PYGB: variants seen among roughly 807,000 people sequenced by gnomAD.
PYGB encodes the protein glycogen phosphorylase B, also known as glycogen phosphorylase, brain form.
Under a neutral mutation model 94.3 loss-of-function variants are expected in PYGB, and 82 were observed. The ratio of observed to expected loss-of-function variants is 0.87; its 90% CI spans 0.73 to 1.04. The LOEUF (loss-of-function observed/expected upper bound fraction) is 1.04, where lower values mean the gene tolerates loss of function less well. PYGB is among the 50% of genes least tolerant of loss of function. The pLI is 0.00. For missense variants in PYGB, 1,132 were observed against 1,158.2 expected, an observed-to-expected ratio of 0.98 and a Z score of 0.33; for synonymous variants, 488 against 479.1, an observed-to-expected ratio of 1.02 and a Z score of -0.24.
intron 2 of PYGB, among the ~76,000 whole-genome samples, chr20:25,267,249 A>C (rs1384904343): frequency 3.3e-5 from 5 of 152,162 alleles, no homozygotes; most frequent in Non-Finnish European, 7.3e-5. Flanking sequence ...AAATAGGTAG[A>C]TCCATAGAGA....
Position 25,290,742 on chromosome 20 carries a change from C to G in PYGB, c.1969+120C>G, listed in dbSNP as rs1363388478. On this transcript the variant is annotated intron_variant, in intron 16 of 19. Transcript: ENST00000216962. ...CTCTGCCTGGACACCCAGACCTAGCCAGCCGGGCTGCAGGCGAGCAGGGAA... is the reference window on the plus strand; with the variant it reads ...CTCTGCCTGGACACCCAGACCTAGCGAGCCGGGCTGCAGGCGAGCAGGGAA... The G allele has an allele frequency of 2.1e-6, 3 of 1,398,040 alleles. No homozygotes were observed. The Admixed American group carries it at 5.6e-5, about 26-fold the overall frequency. 86.6% of individuals were successfully genotyped at this position (1,398,040 alleles called of 1,614,324 possible).
At chr20:25,275,568 C>G (rs2088303905) in intron 5 of PYGB, among the ~76,000 whole-genome samples, 1 of 152,218 alleles carries the variant, frequency 6.6e-6, no homozygotes, top group Non-Finnish European at 1.5e-5. Context: ...AATACATGGG[C>G]TTCGAGTGGC....
intron 2 of PYGB, among the ~76,000 whole-genome samples, chr20:25,262,984 C>G (rs1158727560): frequency 6.6e-6 from 1 of 152,162 alleles, no homozygotes; most frequent in Admixed American, 6.5e-5. Flanking sequence ...TAGAGACCTA[C>G]AAAGAGACTT....
chr20:25,286,007 C>A (rs1251734317), intron 14 of PYGB, among the ~76,000 whole-genome samples: 1 of 152,238 alleles, frequency 6.6e-6, no homozygotes, highest in Non-Finnish European at 1.5e-5. Context: ...CACTTCCTTC[C>A]CCCAGTGCTT....
chr20:25,259,995 G>A lies in PYGB; in HGVS notation c.345+657G>A, dbSNP rs546851967. Among the ~76,000 whole-genome samples, 20 of 152,192 alleles carry A rather than the reference G, an allele frequency of 1.3e-4. No homozygotes were observed. The East Asian group carries it at 1.5e-3, about 12-fold the overall frequency. ...CCCTCCACCTCAGCGCCCTGCCACCGCCTTTGCTTTGCTTGGGTTTGGATG... is the reference window on the plus strand; with the variant it reads ...CCCTCCACCTCAGCGCCCTGCCACCACCTTTGCTTTGCTTGGGTTTGGATG... On this transcript the variant is annotated intron_variant, in intron 2 of 19. Coordinates refer to ENST00000216962, the MANE Select transcript of PYGB (RefSeq NM_002862.4).
At chr20:25,276,550 G>A in intron 5 of PYGB, 96 bp from the exon 6 acceptor site, 1 of 984,026 alleles carries the variant, frequency 1.0e-6, no homozygotes, top group Non-Finnish European at 1.6e-6. Flanking sequence ...GGCCAGCAGG[G>A]CGCCAGGTGC....
intron 2 of PYGB, among the ~76,000 whole-genome samples, chr20:25,261,745 G>A (rs1001379072): frequency 6.6e-6 from 1 of 152,138 alleles, no homozygotes; most frequent in South Asian, 2.1e-4. Context: ...AAGATTAGAC[G>A]AATGGCTAAC....
intron 3 of PYGB, among the ~76,000 whole-genome samples, chr20:25,270,198 TTTGTTTTG>T (rs1568688525): frequency 0.022 from 678 of 30,350 alleles, 37 homozygotes; most frequent in African/African-American, 0.12. Flanking sequence ...TTTTTTTTGT[TTTGTTTTG>T]TTTTTTTTTT....
At chr20:25,276,473 G>A (rs1409182544) in intron 5 of PYGB, among the ~76,000 whole-genome samples, 173 bp from the exon 6 acceptor site, 1 of 152,068 alleles carries the variant, frequency 6.6e-6, no homozygotes, top group East Asian at 1.9e-4. Flanking sequence ...GGAGGGCGTG[G>A]ACGGAGACTG....
chr20:25,261,410 G>A (rs1340125556), intron 2 of PYGB, among the ~76,000 whole-genome samples: 17 of 152,348 alleles, frequency 1.1e-4, no homozygotes, highest in African/African-American at 2.9e-4. Context: ...CAGACCTGCA[G>A]CTGAAGGTCC....
intron 14 of PYGB, chr20:25,284,806 A>G (rs1251909356): frequency 6.6e-6 from 1 of 152,348 alleles, no homozygotes; most frequent in African/African-American, 2.4e-5. Flanking sequence ...AGAGGCATTT[A>G]AAGTATACTT....
chr20:25,294,391 C>T, intron 18 of PYGB, 99 bp downstream of exon 18: 1 of 1,415,952 alleles, frequency 7.1e-7, no homozygotes, highest in Non-Finnish European at 9.7e-7. Context: ...AGAGCAAAAC[C>T]CGTGCTTTCA....
chr20:25,249,277 T>C (rs1012882216), intron 1 of PYGB, among the ~76,000 whole-genome samples: 1 of 152,250 alleles, frequency 6.6e-6, no homozygotes, highest in Non-Finnish European at 1.5e-5. Flanking sequence ...TTTGTAACTT[T>C]TTCACTGATA....
At chr20:25,290,073 T>A in intron 15 of PYGB, 1 of 418,190 alleles carries the variant, frequency 2.4e-6, no homozygotes, top group South Asian at 1.8e-5. Flanking sequence ...ACAGTCTGTC[T>A]GTTACAGACA....
intron 2 of PYGB, among the ~76,000 whole-genome samples, chr20:25,265,044 A>T (rs925958955): frequency 1.3e-5 from 2 of 152,212 alleles, no homozygotes; most frequent in African/African-American, 4.8e-5. Flanking sequence ...AGGCTACAGT[A>T]ACCAAAACAG....
chr20:25,263,009 T>C (rs2092917107), intron 2 of PYGB, among the ~76,000 whole-genome samples: 1 of 152,026 alleles, frequency 6.6e-6, no homozygotes, highest in Admixed American at 6.5e-5. Context: ...TCCCACACAA[T>C]AATAATGGGA....
chr20:25,274,691 AC>A lies in PYGB; in HGVS notation c.633del (p.Asp212ThrfsTer3). 2 of 1,613,400 alleles carry A rather than the reference AC, an allele frequency of 1.2e-6. No individual in the cohort carries two copies. The highest frequency in any genetic ancestry group is 1.7e-6 in the Non-Finnish European group (2 of 1,179,942). On this transcript the variant is annotated frameshift_variant, in exon 5 of 20. Transcript: ENST00000216962. LOFTEE classifies it high-confidence loss of function. ...PVHFYGRVEH[T>X]PDGVKWLDTQ... is the part of the protein sequence containing the mutation. The stretch of plus-strand genomic sequence containing the variant: ...GCACTTCTACGGACGCGTGGAGCAC[AC>A]CCCCGACGGCGTGAAGTGGCTGGAC...
At chr20:25,281,240 A>G (rs1472214518) in intron 11 of PYGB, 128 bp downstream of exon 11, 4 of 1,291,290 alleles carry the variant, frequency 3.1e-6, no homozygotes, top group East Asian at 4.9e-5. Context: ...CCCTGCCTCC[A>G]TAGGAATGAC....
intron 1 of PYGB, among the ~76,000 whole-genome samples, chr20:25,249,054 CAG>C (rs2092879967): frequency 6.6e-6 from 1 of 152,206 alleles, no homozygotes; most frequent in South Asian, 2.1e-4. Flanking sequence ...TTGAAGTTGA[CAG>C]AGATCATCTT....
Sources: gnomAD v4.1 joint callset for allele counts (sites outside exome capture counted in the v4.1 genomes callset) on GRCh38, gnomAD v4.1.1 for gene constraint, MANE v1.5 for transcripts, NCBI Gene and HGNC (gene_info 2026-07-23, HGNC 2026-07-21) for gene names.